The following ZFHX3 variants were observed in gnomAD, a reference collection of about 807,000 sequenced individuals.
The protein encoded by ZFHX3 is zinc finger homeobox 3.
Under a neutral mutation model 279.1 loss-of-function variants are expected in ZFHX3, and 42 were observed. That is an observed-to-expected ratio of 0.15 (90% CI 0.12 to 0.19). The LOEUF (loss-of-function observed/expected upper bound fraction) is 0.19, where lower values mean the gene tolerates loss of function less well. ZFHX3 is among the 10% of genes least tolerant of loss of function. The probability of loss-of-function intolerance (pLI) is 1.00; values close to 1 mark genes in which losing one functional copy is unlikely to be tolerated. For synonymous variants in ZFHX3, 2,293 were observed against 1,957.8 expected (o/e 1.17, Z -4.52); for missense variants, 4,981 against 4,754.0 (o/e 1.05, Z -1.40).
At chr16:73,238,373 T>C (rs1027898340) in intron 5 of ZFHX3, among the ~76,000 whole-genome samples, 2 of 152,150 alleles carry the variant, frequency 1.3e-5, no homozygotes, top group Non-Finnish European at 2.9e-5. Context: ...CTTGGGATGG[T>C]CCACGAGCCC....
At chr16:72,892,799 G>A (rs571819850) in intron 3 of ZFHX3, among the ~76,000 whole-genome samples, 99 of 152,250 alleles carry the variant, frequency 6.5e-4, no homozygotes, top group East Asian at 1.7e-3. Flanking sequence ...GTGAGCCACC[G>A]CACCTGACCT....
chr16:73,235,662 A>G (rs1180843948), intron 5 of ZFHX3, among the ~76,000 whole-genome samples: 1 of 151,230 alleles, frequency 6.6e-6, no homozygotes, highest in Admixed American at 6.6e-5. Context: ...GTATGTGTAA[A>G]TATCAAATAT....
chr16:73,166,230 G>A (rs562493612), intron 5 of ZFHX3, among the ~76,000 whole-genome samples: 1 of 152,306 alleles, frequency 6.6e-6, no homozygotes, highest in South Asian at 2.1e-4. Context: ...AAAATGGTCA[G>A]AAACCCATGC....
chr16:73,531,332 C>A (rs34134872), intron 2 of ZFHX3, among the ~76,000 whole-genome samples: 10,340 of 152,206 alleles, frequency 0.068, 364 homozygotes, highest in South Asian at 0.11. Flanking sequence ...ATAATAACTT[C>A]CCCTTCAAAA....
At chr16:73,140,259 T>A (rs1318790493) in intron 6 of ZFHX3, among the ~76,000 whole-genome samples, 1 of 151,568 alleles carries the variant, frequency 6.6e-6, no homozygotes. Flanking sequence ...AAACCCTGTC[T>A]CAAAAAAAAG....
At chr16:73,317,105 A>G (rs1417753846) in intron 4 of ZFHX3, among the ~76,000 whole-genome samples, 1 of 152,066 alleles carries the variant, frequency 6.6e-6, no homozygotes, top group East Asian at 1.9e-4. Context: ...TTTCTTAGCT[A>G]TATACAAGGG....
intron 2 of ZFHX3, among the ~76,000 whole-genome samples, chr16:73,565,619 A>T (rs1180812227): frequency 6.6e-6 from 1 of 152,186 alleles, no homozygotes; most frequent in African/African-American, 2.4e-5. Context: ...TAAATATATA[A>T]ATGAGAAAAA....
intron 1 of ZFHX3, among the ~76,000 whole-genome samples, chr16:73,790,028 AG>A (rs1401999649): frequency 6.6e-6 from 1 of 152,066 alleles, no homozygotes; most frequent in African/African-American, 2.4e-5. Flanking sequence ...CCTATTTTCA[AG>A]GGTTTATAAT....
At chr16:72,852,506 G>A (rs2037641743) in intron 4 of ZFHX3, among the ~76,000 whole-genome samples, 1 of 152,162 alleles carries the variant, frequency 6.6e-6, no homozygotes. Context: ...CATTTGACTG[G>A]CTATTACTAC....
At chr16:73,518,940 G>C (rs1182251822) in intron 2 of ZFHX3, among the ~76,000 whole-genome samples, 2 of 152,198 alleles carry the variant, frequency 1.3e-5, no homozygotes, top group Non-Finnish European at 2.9e-5. Context: ...AGGCAAAGCA[G>C]CGAAGGCAAG....
At chr16:73,092,061 C>T (rs1206918670) in intron 8 of ZFHX3, among the ~76,000 whole-genome samples, 1 of 152,124 alleles carries the variant, frequency 6.6e-6, no homozygotes, top group Non-Finnish European at 1.5e-5. Context: ...TGTTTGAGCT[C>T]GAAGATTTCT....
intron 7 of ZFHX3, among the ~76,000 whole-genome samples, chr16:72,804,838 A>C (rs1395912962): frequency 6.6e-6 from 1 of 152,180 alleles, no homozygotes; most frequent in Non-Finnish European, 1.5e-5. Flanking sequence ...TGTGCAGCCA[A>C]GGTCACCCTT....
intron 2 of ZFHX3, among the ~76,000 whole-genome samples, chr16:73,511,325 A>G (rs569155001): frequency 1.1e-4 from 16 of 152,206 alleles, no homozygotes; most frequent in African/African-American, 3.9e-4. Flanking sequence ...CTATCATCTG[A>G]GATCACTTCC....
chr16:73,702,379 C>T (rs71388985), intron 1 of ZFHX3, among the ~76,000 whole-genome samples: 2,001 of 152,244 alleles, frequency 0.013, 23 homozygotes, highest in Non-Finnish European at 0.02. Flanking sequence ...GGCAGACAAT[C>T]CTGACCTCCC....
intron 3 of ZFHX3, among the ~76,000 whole-genome samples, chr16:72,892,882 G>C (rs1412614291): frequency 6.6e-6 from 1 of 152,146 alleles, no homozygotes; most frequent in Non-Finnish European, 1.5e-5. Flanking sequence ...AGGATGTTGG[G>C]AGGATGGGAT....
At chr16:73,151,101 T>G (rs138038586) in intron 5 of ZFHX3, among the ~76,000 whole-genome samples, 195 of 152,320 alleles carry the variant, frequency 1.3e-3, no homozygotes, top group African/African-American at 4.5e-3. Flanking sequence ...ACTGAATGAT[T>G]CTATTTATAT....
At position 72,797,099 on chromosome 16, in the gene ZFHX3, G is replaced by A; in HGVS notation, c.5583C>T (p.Ala1861=). The part of the protein sequence containing the change: ...PQQQQNQLSI[A]QSHSALLQPS... Reference sequence around the variant, plus strand: ...GCTGAAGGAGGGCAGAGTGACTCTGGGCTATAGAGAGTTGGTTCTGCTGCT... The same window carrying A: ...GCTGAAGGAGGGCAGAGTGACTCTGAGCTATAGAGAGTTGGTTCTGCTGCT... The change falls in exon 9 of 10, where the codon GCC becomes GCT. Residue 1861 remains alanine, a synonymous_variant. Transcript: ENST00000268489. 1 of 1,613,862 alleles carries A rather than the reference G, an allele frequency of 6.2e-7. No individual in the cohort carries two copies.
At chr16:73,323,706 T>C (rs1315564496) in intron 3 of ZFHX3, among the ~76,000 whole-genome samples, 1 of 152,056 alleles carries the variant, frequency 6.6e-6, no homozygotes. Flanking sequence ...TCTAGGAAGC[T>C]AGAAAGTCAG....
intron 3 of ZFHX3, among the ~76,000 whole-genome samples, chr16:72,941,390 G>C (rs1960404126): frequency 6.6e-6 from 1 of 152,188 alleles, no homozygotes; most frequent in African/African-American, 2.4e-5. Context: ...AAGCCACATA[G>C]CTCTCTTTAC....
Sources: gnomAD v4.1 joint callset for allele counts (sites outside exome capture counted in the v4.1 genomes callset) on GRCh38, gnomAD v4.1.1 for gene constraint, MANE v1.5 for transcripts, NCBI Gene and HGNC (gene_info 2026-07-23, HGNC 2026-07-21) for gene names.